The following DEAF1 variants were observed in gnomAD, a reference collection of about 807,000 sequenced individuals.
DEAF1 encodes deformed epidermal autoregulatory factor 1 homolog.
Under a neutral mutation model 58.9 loss-of-function variants are expected in DEAF1, and 53 were observed. That is an observed-to-expected ratio of 0.90 (90% CI 0.72 to 1.13). The LOEUF (loss-of-function observed/expected upper bound fraction) is 1.13. DEAF1 is among the 50% of genes most tolerant of loss of function. DEAF1 has a pLI of 0.00. For synonymous variants in DEAF1, 385 were observed against 340.4 expected, an observed-to-expected ratio of 1.13 and a Z score of -1.44; for missense variants, 685 against 791.4, an observed-to-expected ratio of 0.87 and a Z score of 1.61.
At chr11:694,619 G>A (rs1450066653) in intron 1 of DEAF1, 140 bp downstream of exon 1, 4 of 753,744 alleles carry the variant, frequency 5.3e-6, no homozygotes, top group Admixed American at 4.6e-5. Flanking sequence ...TGTGCAGGGC[G>A]GGTGGAGCGG....
At position 694,892 on chromosome 11, in the gene DEAF1, T is replaced by C; in HGVS notation, c.156A>G (p.Ala52=). The C allele has an allele frequency of 6.7e-7, 1 of 1,486,128 alleles. No individual in the cohort carries two copies. Among genetic ancestry groups the C allele is most frequent in the Admixed American group, 2.0e-5 (1 of 49,550 alleles). 92.1% of individuals were successfully genotyped at this position (1,486,128 alleles called of 1,614,324 possible). A position where few individuals can be genotyped will look rare whatever the true frequency, so the allele number is the denominator to read the frequency against. The change falls in exon 1 of 12, where the codon GCA becomes GCG. Residue 52 remains alanine, a synonymous_variant. Transcript: ENST00000382409. ...GCGTCTCCCGCTCCGCCTCCGAGTC[T>C]GCGTCCTCCTCCGAGTCCTCGTCCC... ...LSRDEDSEED[A]DSEAERETPR...
chr11:692,747 G>A (rs1860887074), intron 1 of DEAF1, among the ~76,000 whole-genome samples: 2 of 152,124 alleles, frequency 1.3e-5, no homozygotes, highest in Admixed American at 1.3e-4. Flanking sequence ...AGCTACTCGG[G>A]AGGCTGAGGC....
At chr11:645,158 A>G (rs1484779821) in intron 11 of DEAF1, among the ~76,000 whole-genome samples, 1 of 110,072 alleles carries the variant, frequency 9.1e-6, no homozygotes, top group East Asian at 3.2e-4. Context: ...ACAACTCCAT[A>G]TCAAAAAAAA....
rs773559333 is a variant in DEAF1 at position 688,398 on chromosome 11, G to A, written c.450C>T (p.Val150=). The change falls in exon 3 of 12, where the codon GTC becomes GTT. Residue 150 remains valine (V), a synonymous_variant. Transcript: ENST00000382409. The surrounding 1 kb of genome is among the most constrained non-coding windows in gnomAD (Gnocchi z 4.3). ...CCACGATGCTCCCATCTGTGTGGAC[G>A]ACAATCAGTGTCGCTTTTTCGGTGT... is the stretch of plus-strand genomic sequence containing the variant. ...SLNTEKATLI[V]VHTDGSIVET... The A allele has an allele frequency of 1.5e-5, 24 of 1,613,818 alleles. No individual in the cohort carries two copies. Among genetic ancestry groups the A allele is most frequent in the South Asian group, 2.2e-5 (2 of 91,086 alleles).
exon 1 of DEAF1, chr11:706,892 G>C (rs1379919919): frequency 6.5e-6 from 1 of 152,776 alleles, no homozygotes; most frequent in East Asian, 1.9e-4. Flanking sequence ...GGAGAGGCAG[G>C]AGGGTGGGCT....
intron 10 of DEAF1, among the ~76,000 whole-genome samples, chr11:667,396 G>A (rs1859594952): frequency 7.0e-6 from 1 of 142,246 alleles, no homozygotes; most frequent in Non-Finnish European, 1.5e-5. Context: ...AGGAGAGAGG[G>A]AGGGAGGGAG....
intron 10 of DEAF1, among the ~76,000 whole-genome samples, chr11:654,315 T>G (rs903894819): frequency 2.0e-5 from 3 of 151,038 alleles, no homozygotes; most frequent in African/African-American, 7.4e-5. Context: ...GATAGGTGCC[T>G]GACACCACGC....
In DEAF1 at chr11:653,999, T is replaced by A; in HGVS notation, c.1556A>T (p.His519Leu). 6.2e-7 allele frequency: 1 copy of A among 1,613,868 alleles called. No individual in the cohort carries two copies. The highest frequency in any genetic ancestry group is 8.5e-7 in the Non-Finnish European group (1 of 1,179,962). The change falls in exon 11 of 12, where the codon CAC becomes CTC. Residue 519 changes from histidine (H) to leucine (L), a missense_variant. Physicochemically the swap from His to Leu is moderately conservative, Grantham distance 99 (BLOSUM62 -3). Coordinates refer to ENST00000382409, the MANE Select transcript of DEAF1 (RefSeq NM_021008.4). Reference protein sequence around the residue: ...REAMSECTGCHKVNYCSTFCQ... With the variant: ...REAMSECTGCLKVNYCSTFCQ... ...GAAGGTGGAGCAGTAGTTGACCTTG[T>A]GGCAGCCGGTGCACTCGCTCATAGC...
At chr11:700,018 A>G, upstream of DEAF1, 1 of 726,980 alleles carries the variant, frequency 1.4e-6, no homozygotes, top group African/African-American at 1.8e-5. Context: ...GCCATTGCCA[A>G]GACTCCATGG....
chr11:694,523 G>A (rs1382281289), intron 1 of DEAF1: 13 of 368,504 alleles, frequency 3.5e-5, no homozygotes, highest in African/African-American at 2.6e-4. Context: ...GTGAGAGGCA[G>A]ATGTGAGGGG....
chr11:669,635 CAA>C (rs796538285), intron 10 of DEAF1, among the ~76,000 whole-genome samples: 18 of 135,180 alleles, frequency 1.3e-4, no homozygotes, highest in African/African-American at 3.5e-4. Flanking sequence ...AAACTTGTCT[CAA>C]AAAAAAAAGA....
intron 10 of DEAF1, among the ~76,000 whole-genome samples, chr11:667,637 C>CT: frequency 6.6e-6 from 1 of 151,370 alleles, no homozygotes; most frequent in Non-Finnish European, 1.5e-5. Context: ...AAAACCCTGT[C>CT]TCTAATAAAA....
intron 4 of DEAF1, among the ~76,000 whole-genome samples, chr11:687,591 G>A (rs969965495): frequency 2.6e-5 from 4 of 152,198 alleles, no homozygotes; most frequent in African/African-American, 7.2e-5. Flanking sequence ...CTGGGTTCAC[G>A]CCATTCTCCT....
At chr11:700,918 T>C (rs1318304457) in intron 1 of DEAF1, 1 of 603,432 alleles carries the variant, frequency 1.7e-6, no homozygotes, top group East Asian at 2.8e-5. Context: ...GGGGGCATCG[T>C]TGGGAGAGAC....
rs1417716541 is a variant in DEAF1, at chr11:644,520, G to A, written c.*30C>T. 1 of 1,591,926 alleles carries A rather than the reference G, an allele frequency of 6.3e-7. No individual in the cohort carries two copies. Among genetic ancestry groups the A allele is most frequent in the East Asian group, 2.2e-5 (1 of 44,666 alleles). ...CAAAAGCCTCACAGGAGTGCGAGGG[G>A]CCCCAGCTCCCAGGGCGGCCGATGG... is the stretch of plus-strand genomic sequence containing the variant. On this transcript the variant is annotated 3_prime_UTR_variant, in exon 12 of 12. Coordinates refer to ENST00000382409, the MANE Select transcript of DEAF1 (RefSeq NM_021008.4). The surrounding 1 kb of genome is among the most constrained non-coding windows in gnomAD (Gnocchi z 4.3).
At position 644,891 on chromosome 11, in the gene DEAF1, G is replaced by C. The variant is rs776880487; in HGVS notation, c.1594-237C>G. Among the ~76,000 whole-genome samples the C allele has an allele frequency of 3.9e-5, 6 of 152,150 alleles. No homozygotes were observed. The highest frequency in any genetic ancestry group is 1.4e-4 in the African/African-American group (6 of 41,434). On this transcript the variant is annotated intron_variant, in intron 11 of 11. Coordinates refer to ENST00000382409, the MANE Select transcript of DEAF1 (RefSeq NM_021008.4). The surrounding 1 kb of genome is among the most constrained non-coding windows in gnomAD (Gnocchi z 4.3). The stretch of plus-strand genomic sequence containing the variant: ...AAAAGGCAAACAACAGGCAGGGCAC[G>C]GTGGCTCACGCCTGTAATCCCAACA...
upstream of DEAF1, among the ~76,000 whole-genome samples, chr11:696,798 G>T (rs1861198276): frequency 4.3e-4 from 2 of 4,698 alleles, no homozygotes; most frequent in African/African-American, 7.2e-4. Context: ...CCCCGGGGAA[G>T]GCCAGGCGCA....
chr11:700,649 C>T (rs1423755133), intron 1 of DEAF1: 1 of 1,614,028 alleles, frequency 6.2e-7, no homozygotes, highest in Non-Finnish European at 8.5e-7. Flanking sequence ...GCTACCTGGT[C>T]CTCGATCTTG....
chr11:663,115 C>T (rs1036398863), intron 10 of DEAF1, among the ~76,000 whole-genome samples: 2 of 152,174 alleles, frequency 1.3e-5, no homozygotes, highest in Non-Finnish European at 2.9e-5. Flanking sequence ...TGTTCAGGAC[C>T]AGCCTCGGCA....
Sources: allele counts gnomAD v4.1 joint callset (sites outside exome capture counted in the v4.1 genomes callset), GRCh38; gene constraint gnomAD v4.1.1; non-coding constraint Gnocchi (gnomAD v3.1); transcripts MANE v1.5; gene names NCBI Gene and HGNC (gene_info 2026-07-23, HGNC 2026-07-21).